The following HTR2C variants were observed in gnomAD, a reference collection of about 807,000 sequenced individuals.
The protein encoded by HTR2C is 5-hydroxytryptamine (serotonin) receptor 2C, G protein-coupled.
HTR2C carries 5 observed loss-of-function variants against 21.0 expected under a neutral mutation model. That is an observed-to-expected ratio of 0.24 (90% CI 0.12 to 0.50). HTR2C has a LOEUF of 0.50. Among genes scored for constraint, HTR2C ranks in the 20% least tolerant of loss-of-function variants. The pLI, the probability that HTR2C is intolerant of heterozygous loss-of-function variation, is 0.98. For synonymous variants in HTR2C, 150 were observed against 145.3 expected (o/e 1.03, Z -0.23); for missense variants, 271 against 371.2 (o/e 0.73, Z 2.22).
chrX:114,834,670 C>CT (rs2070763522), intron 4 of HTR2C, among the ~76,000 whole-genome samples: 1 of 103,943 alleles, frequency 9.6e-6, no homozygotes, highest in Non-Finnish European at 2.0e-5. Context: ...ATTTGCCAGT[C>CT]TGTGTCTTTT....
chrX:114,645,759 G>T (rs1219854877), intron 2 of HTR2C, among the ~76,000 whole-genome samples: 1 of 111,517 alleles, frequency 9.0e-6, no homozygotes, highest in African/African-American at 3.2e-5. Flanking sequence ...ATAAGAAAAA[G>T]ACATTTTTAT....
At chrX:114,694,076 T>G (rs942871665) in intron 2 of HTR2C, among the ~76,000 whole-genome samples, 6 of 111,481 alleles carry the variant, frequency 5.4e-5, no homozygotes, top group African/African-American at 2.0e-4. Context: ...TTTTAAGGTA[T>G]AAACAATTAA....
chrX:114,842,854 C>A (rs1000248957), intron 4 of HTR2C, among the ~76,000 whole-genome samples: 2 of 111,524 alleles, frequency 1.8e-5, no homozygotes, highest in Admixed American at 9.6e-5. Flanking sequence ...GCTAGGTAAC[C>A]ACCAAACTAA....
intron 4 of HTR2C, chrX:114,776,157 C>T: frequency 1.9e-6 from 1 of 538,749 alleles, no homozygotes; most frequent in South Asian, 2.4e-5. Context: ...AGGATTGACA[C>T]ATCAAAAGTG....
At chrX:114,642,285 G>T (rs908618254) in intron 2 of HTR2C, among the ~76,000 whole-genome samples, 1 of 111,883 alleles carries the variant, frequency 8.9e-6, no homozygotes, top group Non-Finnish European at 1.9e-5. Flanking sequence ...TAGATCAAAT[G>T]GTATTTTGTT....
intron 5 of HTR2C, among the ~76,000 whole-genome samples, chrX:114,904,939 GTACTCTA>G (rs1217347843): frequency 2.8e-5 from 3 of 107,635 alleles, no homozygotes; most frequent in African/African-American, 1.0e-4. Flanking sequence ...TGGTTCTGCT[GTACTCTA>G]TATTCCCAAA....
At chrX:114,843,110 A>G (rs2070847271) in intron 4 of HTR2C, among the ~76,000 whole-genome samples, 1 of 111,635 alleles carries the variant, frequency 9.0e-6, no homozygotes. Context: ...AGAAAACAAA[A>G]TAGAATAGAA....
At chrX:114,777,147 A>G (rs1343746421) in intron 4 of HTR2C, among the ~76,000 whole-genome samples, 1 of 112,280 alleles carries the variant, frequency 8.9e-6, no homozygotes, top group East Asian at 2.8e-4. Flanking sequence ...ATCTATTTCC[A>G]TACTTTTTCT....
chrX:114,768,724 T>A (rs782490623), intron 4 of HTR2C, among the ~76,000 whole-genome samples: 3 of 111,512 alleles, frequency 2.7e-5, no homozygotes, highest in Admixed American at 1.9e-4. Flanking sequence ...AGTTACTCAA[T>A]TGGCTTTTAC....
Position 114,887,555 on chromosome X carries a change from T to A in HTR2C, c.551-19034T>A, listed in dbSNP as rs1006644255. Reference sequence around the variant, plus strand: ...GCTCAAGAACTTCATTTAGTATTTTTTGGAAGGCAGGTCTGCTAGCAAAAT... The same window carrying A: ...GCTCAAGAACTTCATTTAGTATTTTATGGAAGGCAGGTCTGCTAGCAAAAT... On this transcript the variant is annotated intron_variant, in intron 5 of 5. Coordinates refer to ENST00000276198, the MANE Select transcript of HTR2C (RefSeq NM_000868.4). Among the ~76,000 whole-genome samples, 3 of 111,575 alleles carry A rather than the reference T, an allele frequency of 2.7e-5. No homozygotes were observed. The Admixed American group carries it at 2.9e-4, about 11-fold the overall frequency.
chrX:114,837,586 G>A (rs1158453153), intron 4 of HTR2C, among the ~76,000 whole-genome samples: 3 of 110,444 alleles, frequency 2.7e-5, no homozygotes, highest in African/African-American at 9.9e-5. Flanking sequence ...TCTTGGACTA[G>A]TTAAACCTCT....
chrX:114,881,657 G>A (rs1350683417), intron 5 of HTR2C, among the ~76,000 whole-genome samples: 1 of 110,370 alleles, frequency 9.1e-6, no homozygotes, highest in Non-Finnish European at 1.9e-5. Context: ...TAGAAACCAT[G>A]TGTTTACTTG....
At position 114,805,948 on chromosome X, in the gene HTR2C, T is replaced by C. The variant is rs1307381013; in HGVS notation, c.350-42055T>C. ...ATACACCATATATATACCATATATA[T>C]ATACACCATATATATACCATATATA... On this transcript the variant is annotated intron_variant, in intron 4 of 5. Transcript: ENST00000276198. 6.9e-4 allele frequency among the ~76,000 whole-genome samples: 52 copies of C among 75,625 alleles called. 4 individuals are homozygous for C. Among genetic ancestry groups the C allele is most frequent in the African/African-American group, 2.2e-3 (49 of 22,404 alleles). The allele number at this position is 75,625 out of a possible 115,157, so 65.7% of individuals were successfully genotyped here.
At chrX:114,603,840 A>G (rs1928259724) in intron 1 of HTR2C, among the ~76,000 whole-genome samples, 1 of 99,296 alleles carries the variant, frequency 1.0e-5, no homozygotes, top group African/African-American at 3.7e-5. Flanking sequence ...AGGAGAGTAT[A>G]TGGGTTTGGC....
chrX:114,738,140 G>C (rs889553749), intron 4 of HTR2C, among the ~76,000 whole-genome samples: 15 of 111,695 alleles, frequency 1.3e-4, no homozygotes, highest in Non-Finnish European at 2.6e-4. Flanking sequence ...GGGGAAGGGA[G>C]ATAGGAATTG....
chrX:114,826,632 A>G (rs1217990905), intron 4 of HTR2C, among the ~76,000 whole-genome samples: 2 of 111,954 alleles, frequency 1.8e-5, no homozygotes, highest in African/African-American at 6.5e-5. Context: ...TTCTAATCCC[A>G]GGCATTTCAG....
chrX:114,787,934 G>A (rs1254978747), intron 4 of HTR2C, among the ~76,000 whole-genome samples: 6 of 95,730 alleles, frequency 6.3e-5, no homozygotes, highest in Non-Finnish European at 1.2e-4. Flanking sequence ...GCAACAGAGC[G>A]AGACTCTGTC....
At chrX:114,658,230 A>G (rs1039025084) in intron 2 of HTR2C, among the ~76,000 whole-genome samples, 1 of 111,788 alleles carries the variant, frequency 8.9e-6, no homozygotes, top group African/African-American at 3.2e-5. Context: ...ATTGCAAAAG[A>G]TAATCTTTCA....
intron 4 of HTR2C, among the ~76,000 whole-genome samples, chrX:114,817,240 C>G (rs1175071287): frequency 7.2e-5 from 8 of 111,203 alleles, no homozygotes; most frequent in African/African-American, 2.3e-4. Flanking sequence ...TACATATTCT[C>G]ATTTATAATT....
Sources: allele counts gnomAD v4.1 joint callset (sites outside exome capture counted in the v4.1 genomes callset), GRCh38; gene constraint gnomAD v4.1.1; transcripts MANE v1.5; gene names NCBI Gene and HGNC (gene_info 2026-07-23, HGNC 2026-07-21).